EMG1: variants seen among roughly 807,000 people sequenced by gnomAD.
The protein encoded by EMG1 is ribosomal RNA small subunit methyltransferase NEP1.
Under a neutral mutation model 26.9 loss-of-function variants are expected in EMG1, and 24 were observed. The observed-to-expected ratio is 0.89, with a 90% CI of 0.65 to 1.26. EMG1 has a LOEUF of 1.26. Among genes scored for constraint, EMG1 ranks in the 50% most tolerant of loss-of-function variants. EMG1 has a pLI of 0.00. For missense variants in EMG1, 299 were observed against 307.6 expected, an observed-to-expected ratio of 0.97 and a Z score of 0.21; for synonymous variants, 140 against 112.6, an observed-to-expected ratio of 1.24 and a Z score of -1.54.
chr12:6,982,697 G>T, downstream of EMG1: 1 of 1,613,306 alleles, frequency 6.2e-7, no homozygotes, highest in Non-Finnish European at 8.5e-7. Context: ...AAAAGGTAGT[G>T]AGGACGGCAG....
At position 6,979,385 on chromosome 12, in the gene EMG1, A is replaced by C. The variant is rs985208938; in HGVS notation, c.*3576A>C. 2 of 980,124 alleles carry C rather than the reference A, an allele frequency of 2.0e-6. No individual in the cohort carries two copies. The highest frequency in any genetic ancestry group is 3.2e-6 in the Non-Finnish European group (2 of 624,718). 60.7% of individuals were successfully genotyped at this position (980,124 alleles called of 1,614,324 possible). On this transcript the variant is annotated 3_prime_UTR_variant, in exon 6 of 6. Transcript: ENST00000599672. ...CATGCACTTGTAGATGATATTTCCT[A>C]CTTCTCTGCTATCTGTAGGGATCCT... is the stretch of plus-strand genomic sequence containing the variant.
At chr12:6,982,501 T>A (rs1366845471), downstream of EMG1, among the ~76,000 whole-genome samples, 1 of 152,216 alleles carries the variant, frequency 6.6e-6, no homozygotes, top group Non-Finnish European at 1.5e-5. Context: ...CATTACAATC[T>A]GTGGATGGAA....
Position 6,977,640 on chromosome 12 carries a change from G to C in EMG1, c.*1831G>C. The C allele has an allele frequency of 1.9e-6, 3 of 1,614,226 alleles. No individual in the cohort carries two copies. Among genetic ancestry groups the C allele is most frequent in the Non-Finnish European group, 2.5e-6 (3 of 1,180,046 alleles). On this transcript the variant is annotated 3_prime_UTR_variant, in exon 6 of 6. Coordinates refer to ENST00000599672, the MANE Select transcript of EMG1 (RefSeq NM_006331.8). The surrounding 1 kb of genome is among the most constrained non-coding windows in gnomAD (Gnocchi z 4.5). ...CAATGAGGAATTCCATCTGGAAGCA[G>C]ACCAGGTATCCTGAGTGCAGGCCGT... is the stretch of plus-strand genomic sequence containing the variant.
chr12:6,974,280 C>A, intron 1 of EMG1, 59 bp from the exon 2 acceptor site: 1 of 1,302,878 alleles, frequency 7.7e-7, no homozygotes, highest in Non-Finnish European at 1.1e-6. Flanking sequence ...ACTTGAAGAA[C>A]CACGGGGCTA....
chr12:6,982,715 G>A (rs1339642644), downstream of EMG1: 1 of 1,613,914 alleles, frequency 6.2e-7, no homozygotes, highest in African/African-American at 1.3e-5. Context: ...CAGTGATGGT[G>A]CGGCCCATTA....
chr12:6,977,858 G>A lies in EMG1; in HGVS notation c.*2049G>A, dbSNP rs1168354497. 22 of 1,273,440 alleles carry A rather than the reference G, an allele frequency of 1.7e-5. No individual in the cohort carries two copies. The highest frequency in any genetic ancestry group is 5.3e-5 in the South Asian group (4 of 76,176). The allele number at this position is 1,273,440 out of a possible 1,614,324, so 78.9% of individuals were successfully genotyped here. A position where few individuals can be genotyped will look rare whatever the true frequency, so the allele number is the denominator to read the frequency against. On this transcript the variant is annotated 3_prime_UTR_variant, in exon 6 of 6. Transcript: ENST00000599672. The surrounding 1 kb of genome is among the most constrained non-coding windows in gnomAD (Gnocchi z 4.5). ...GATTGGAGTGCTGGTGGGTTCCCAC[G>A]TGTAGCCCCCAGAGGGTACAGGAGG...
intron 7 of EMG1, among the ~76,000 whole-genome samples, chr12:6,994,365 G>C (rs1305142916): frequency 6.6e-6 from 1 of 152,038 alleles, no homozygotes; most frequent in East Asian, 1.9e-4. Flanking sequence ...GCACCACCAT[G>C]CCCAGCTAAT....
In EMG1 at chr12:6,976,720, C is replaced by T. The variant is rs782370238; in HGVS notation, c.*911C>T. ...CGTGGGTGACAAAGCAAGACGCCTTCTCCAAAAAAAAGTTTCCCCTTTGGC... is the reference window on the plus strand; with the variant it reads ...CGTGGGTGACAAAGCAAGACGCCTTTTCCAAAAAAAAGTTTCCCCTTTGGC... On this transcript the variant is annotated 3_prime_UTR_variant, in exon 6 of 6. Coordinates refer to ENST00000599672, the MANE Select transcript of EMG1 (RefSeq NM_006331.8). The T allele has an allele frequency of 6.2e-6, 1 of 160,184 alleles. No homozygotes were observed. The highest frequency in any genetic ancestry group is 2.4e-5 in the African/African-American group (1 of 41,496). The allele number at this position is 160,184 out of a possible 1,614,324, so 9.9% of individuals were successfully genotyped here. A position where few individuals can be genotyped will look rare whatever the true frequency, so the allele number is the denominator to read the frequency against.
intron 1 of EMG1, 61 bp downstream of exon 1, chr12:6,971,152 G>A: frequency 2.8e-6 from 4 of 1,404,774 alleles, no homozygotes; most frequent in East Asian, 2.4e-5. Context: ...CGTGGAATGA[G>A]GGTAAGGGGC....
exon 8 of EMG1, chr12:6,997,326 A>G (rs1185899607): frequency 6.9e-6 from 1 of 144,580 alleles, no homozygotes; most frequent in East Asian, 2.0e-4. Context: ...GAGCCTCCCA[A>G]GTAGCTAGGA....
rs781800072 is a variant in EMG1 at position 6,974,434 on chromosome 12, C to G, written c.264C>G (p.Thr88=). Residue 88 remains threonine, a synonymous_variant, in exon 2 of 6, where the codon ACC becomes ACG. Transcript: ENST00000599672. ...RDPGEARPDI[T]HQSLLMLMDS... ...CTGGGGAAGCGCGGCCAGATATCAC[C>G]CACCAGGTAACTCCAGGGACAGTGC... 6.2e-7 allele frequency: 1 copy of G among 1,613,396 alleles called. No individual in the cohort carries two copies. Among genetic ancestry groups the G allele is most frequent in the Non-Finnish European group, 8.5e-7 (1 of 1,179,434 alleles).
At chr12:6,983,295 T>C, downstream of EMG1, 1 of 663,452 alleles carries the variant, frequency 1.5e-6, no homozygotes, top group Non-Finnish European at 2.7e-6. Context: ...GCTGTGTTCC[T>C]CTTCATACAA....
At chr12:6,986,258 G>A (rs1254701290) in intron 6 of EMG1, among the ~76,000 whole-genome samples, 2 of 152,046 alleles carry the variant, frequency 1.3e-5, no homozygotes, top group African/African-American at 2.4e-5. Context: ...CTCCTTGCCT[G>A]CTCAACCTGA....
At position 6,974,661 on chromosome 12, in the gene EMG1, C is replaced by T. The variant is rs1309066030; in HGVS notation, c.380C>T (p.Pro127Leu). 6.2e-7 allele frequency: 1 copy of T among 1,613,816 alleles called. No homozygotes were observed. The highest frequency in any genetic ancestry group is 1.3e-5 in the African/African-American group (1 of 74,910). The change falls in exon 3 of 6, where the codon CCC becomes CTC. Residue 127 changes from proline (P) to leucine (L), a missense_variant. Transcript: ENST00000599672. ...GAAGTGAATCCCCAGACCCGAATTC[C>T]CAGAACCTTTGACCGCTTTTGTGGC... ...LIEVNPQTRI[P>L]RTFDRFCGLM... is the part of the protein sequence containing the mutation.
chr12:6,992,324 CAA>C (rs1234943370), downstream of EMG1, among the ~76,000 whole-genome samples: 6 of 132,534 alleles, frequency 4.5e-5, no homozygotes, highest in Non-Finnish European at 4.9e-5. Context: ...GACCCTGCCT[CAA>C]AAAAAAAAAA....
Position 6,974,592 on chromosome 12 carries a change from G to A in EMG1, c.311G>A (p.Gly104Asp), listed in dbSNP as rs1256862599. ...ATGGATAGTCCCCTGAACCGAGCTG[G>A]CTTGCTACAGGTTTATATCCATACA... Reference protein sequence around the residue: ...MLMDSPLNRAGLLQVYIHTQK... With the variant: ...MLMDSPLNRADLLQVYIHTQK... The change falls in exon 3 of 6, where the codon GGC (glycine) becomes GAC (aspartate). Residue 104 changes from glycine (G) to aspartate (D), a missense_variant. Gly to Asp is a moderately conservative substitution (Grantham distance 94). Transcript: ENST00000599672. 1.9e-6 allele frequency: 3 copies of A among 1,613,856 alleles called. No homozygotes were observed. The highest frequency in any genetic ancestry group is 2.7e-5 in the African/African-American group (2 of 74,894).
downstream of EMG1, among the ~76,000 whole-genome samples, chr12:6,982,402 C>T (rs1946479321): frequency 6.6e-6 from 1 of 152,130 alleles, no homozygotes; most frequent in South Asian, 2.1e-4. Context: ...TGACTCTGCT[C>T]CTGGATAGTG....
At position 6,975,804 on chromosome 12, in the gene EMG1, A is replaced by G. The variant is rs377663713; in HGVS notation, c.730A>G (p.Ile244Val). The change falls in exon 6 of 6, where the codon ATT becomes GTT. Residue 244 changes from isoleucine (I) to valine (V), a missense_variant. Ile to Val is a conservative substitution (Grantham distance 29). Transcript: ENST00000599672. The part of the protein sequence containing the change: ...TTAFEEVWGV[I>V] ...AGCCTTTGAGGAAGTATGGGGGGTC[A>G]TTTGACAGTAGTAGAACCTGTTCTG... 20 of 1,588,330 alleles carry G rather than the reference A, an allele frequency of 1.3e-5. No homozygotes were observed. The African/African-American group carries it at 2.6e-4, about 20-fold the overall frequency.
intron 7 of EMG1, among the ~76,000 whole-genome samples, chr12:6,995,977 C>T (rs1946632748): frequency 6.6e-6 from 1 of 152,166 alleles, no homozygotes; most frequent in Non-Finnish European, 1.5e-5. Context: ...TCAGTCTAGC[C>T]TTAATGAAGC....
Sources: gnomAD v4.1 joint callset for allele counts (sites outside exome capture counted in the v4.1 genomes callset) on GRCh38, gnomAD v4.1.1 for gene constraint, Gnocchi (gnomAD v3.1) non-coding constraint, MANE v1.5 for transcripts, NCBI Gene and HGNC (gene_info 2026-07-23, HGNC 2026-07-21) for gene names.